Variants in CYP4X1 observed in about 807,000 individuals in gnomAD.
CYP4X1 encodes the protein cytochrome P450 4X1.
In CYP4X1, 44 loss-of-function variants were observed where a neutral mutation model predicts 57.9. That is an observed-to-expected ratio of 0.76 (90% confidence interval 0.60 to 0.98). The LOEUF is 0.98. Ranked by LOEUF, CYP4X1 falls within the 50% of genes least tolerant of loss-of-function variation. CYP4X1 has a pLI of 0.00. For synonymous variants in CYP4X1, 227 were observed against 228.6 expected, an observed-to-expected ratio of 0.99 and a Z score of 0.06; for missense variants, 532 against 623.9, an observed-to-expected ratio of 0.85 and a Z score of 1.57.
At position 47,035,793 on chromosome 1, in the gene CYP4X1, C is replaced by T; in HGVS notation, c.493-13C>T. On this transcript the variant is annotated splice_polypyrimidine_tract_variant and intron_variant, in intron 4 of 11. Transcript: ENST00000371901. ...GTGGTGGTGATGATGTTGGTCTTGA[C>T]CTCCTGTGCCAGGATAAGTGGGAGA... The T allele has an allele frequency of 6.2e-7, 1 of 1,608,184 alleles. No individual in the cohort carries two copies. The highest frequency in any genetic ancestry group is 8.5e-7 in the Non-Finnish European group (1 of 1,177,364).
chr1:46,998,018 G>A, the CYP4X1 span, among the ~76,000 whole-genome samples: 1 of 152,006 alleles, frequency 6.6e-6, no homozygotes, highest in East Asian at 1.9e-4. Flanking sequence ...GTCTGTTCAT[G>A]TTCTTTGTCC....
At chr1:46,965,255 C>T in the CYP4X1 span, among the ~76,000 whole-genome samples, 3 of 152,202 alleles carry the variant, frequency 2.0e-5, no homozygotes, top group Admixed American at 6.5e-5. Flanking sequence ...GCTGCACCTA[C>T]TTTCCTGCAC....
At chr1:47,053,230 C>G (rs1026703827), downstream of CYP4X1, among the ~76,000 whole-genome samples, 3 of 152,102 alleles carry the variant, frequency 2.0e-5, no homozygotes. Flanking sequence ...ATCCATGTCC[C>G]TACAAAGGAC....
chr1:47,033,106 C>T (rs1406390078), intron 3 of CYP4X1, 135 bp from the exon 4 acceptor site: 6 of 855,314 alleles, frequency 7.0e-6, no homozygotes, highest in Admixed American at 6.3e-5. Flanking sequence ...CACATTAATA[C>T]GAGTACTACT....
the CYP4X1 span, among the ~76,000 whole-genome samples, chr1:47,007,477 A>G: frequency 2.6e-5 from 4 of 152,226 alleles, no homozygotes; most frequent in South Asian, 8.3e-4. Flanking sequence ...AAGATGGGGA[A>G]AAAACAAAGC....
intron 3 of CYP4X1, 48 bp downstream of exon 3, chr1:47,031,528 C>G: frequency 6.3e-7 from 1 of 1,597,388 alleles, no homozygotes. Flanking sequence ...TTCAAAGTCC[C>G]CTTTCCATAG....
At chr1:47,022,393 C>G (rs1644008331), upstream of CYP4X1, among the ~76,000 whole-genome samples, 1 of 148,422 alleles carries the variant, frequency 6.7e-6, no homozygotes, top group Non-Finnish European at 1.5e-5. Context: ...CGGGTTCAAG[C>G]GATTCTCCTG....
At chr1:46,965,196 C>T in the CYP4X1 span, among the ~76,000 whole-genome samples, 9 of 152,206 alleles carry the variant, frequency 5.9e-5, no homozygotes, top group South Asian at 2.1e-4. Context: ...CCGGGTGAGG[C>T]GATGCCTCGC....
At chr1:46,997,985 ACTTTTATGTC>A in the CYP4X1 span, among the ~76,000 whole-genome samples, 12 of 152,014 alleles carry the variant, frequency 7.9e-5, no homozygotes, top group African/African-American at 2.2e-4. Context: ...TTTGCTGGCC[ACTTTTATGTC>A]CTTTTGAGAA....
the CYP4X1 span, among the ~76,000 whole-genome samples, chr1:46,971,173 G>A: frequency 2.6e-5 from 4 of 152,130 alleles, no homozygotes; most frequent in African/African-American, 4.8e-5. Flanking sequence ...GTGAGAACAC[G>A]TGGTGTTTGG....
the CYP4X1 span, among the ~76,000 whole-genome samples, chr1:47,012,039 C>G: frequency 1.3e-5 from 2 of 152,172 alleles, no homozygotes; most frequent in South Asian, 2.1e-4. Context: ...TACCATTTGA[C>G]CCTGCTATCC....
intron 1 of CYP4X1, among the ~76,000 whole-genome samples, chr1:47,029,070 C>T (rs1205257675): frequency 1.3e-5 from 2 of 152,320 alleles, no homozygotes; most frequent in East Asian, 3.9e-4. Flanking sequence ...GAGTTGTCCA[C>T]CTCTCCAGAG....
intron 2 of CYP4X1, 81 bp downstream of exon 2, chr1:47,030,212 A>G (rs1644111325): frequency 6.6e-7 from 1 of 1,524,236 alleles, no homozygotes; most frequent in South Asian, 1.3e-5. Context: ...TTCCAAAGCA[A>G]AGATTGGTTT....
chr1:47,035,642 G>A (rs370080439), intron 4 of CYP4X1, among the ~76,000 whole-genome samples, 164 bp from the exon 5 acceptor site: 1 of 152,224 alleles, frequency 6.6e-6, no homozygotes, highest in East Asian at 1.9e-4. Flanking sequence ...CCTTCCTCGT[G>A]CCCTGTGTAA....
chr1:47,007,742 C>G, the CYP4X1 span, among the ~76,000 whole-genome samples: 1 of 152,142 alleles, frequency 6.6e-6, no homozygotes, highest in Admixed American at 6.5e-5. Flanking sequence ...AAGGACCTGA[C>G]GGAGCCGAAA....
chr1:47,024,008 A>G lies in CYP4X1; in HGVS notation c.177+14A>G, dbSNP rs1644032946. 1 of 1,606,342 alleles carries G rather than the reference A, an allele frequency of 6.2e-7. No individual in the cohort carries two copies. The highest frequency in any genetic ancestry group is 8.5e-7 in the Non-Finnish European group (1 of 1,175,798). On this transcript the variant is annotated intron_variant, in intron 1 of 11. Coordinates refer to ENST00000371901, the MANE Select transcript of CYP4X1 (RefSeq NM_178033.2). Reference sequence around the variant, plus strand: ...GGGCACCAGAAGGTAGATGGGAGGGAGGAGGGAGGAAGGAGGAGGGAGGGG... The same window carrying G: ...GGGCACCAGAAGGTAGATGGGAGGGGGGAGGGAGGAAGGAGGAGGGAGGGG...
chr1:47,039,512 G>C lies in CYP4X1; in HGVS notation c.1053G>C (p.Gly351=). 6.2e-7 allele frequency: 1 copy of C among 1,608,742 alleles called. No individual in the cohort carries two copies. The highest frequency in any genetic ancestry group is 8.5e-7 in the Non-Finnish European group (1 of 1,178,276). Residue 351 remains glycine (G), a synonymous_variant, in exon 8 of 12, where the codon GGG becomes GGC. Transcript: ENST00000371901. ...GGGAGGAGGTCAGGGGCATCCTGGGGGATGGGTCTTCTATCACTTGGTAAG... is the reference window on the plus strand; with the variant it reads ...GGGAGGAGGTCAGGGGCATCCTGGGCGATGGGTCTTCTATCACTTGGTAAG... ...RCREEVRGIL[G]DGSSITWDQL...
the CYP4X1 span, among the ~76,000 whole-genome samples, chr1:46,983,771 T>C: frequency 1.3e-5 from 2 of 152,160 alleles, no homozygotes; most frequent in Non-Finnish European, 2.9e-5. Context: ...ATGGTGGGCA[T>C]GTCCATTACC....
the CYP4X1 span, among the ~76,000 whole-genome samples, chr1:47,016,720 GATTT>G: frequency 1.4e-5 from 2 of 146,016 alleles, no homozygotes; most frequent in African/African-American, 5.0e-5. Flanking sequence ...GGATAAATTG[GATTT>G]ATTATTTGTG....
Sources: allele counts gnomAD v4.1 joint callset (sites outside exome capture counted in the v4.1 genomes callset), GRCh38; gene constraint gnomAD v4.1.1; transcripts MANE v1.5; gene names NCBI Gene and HGNC (gene_info 2026-07-23, HGNC 2026-07-21).